Variants in SLC4A4 observed in about 807,000 individuals in gnomAD.
The protein encoded by SLC4A4 is solute carrier family 4 member 4.
A neutral mutation model predicts 111.5 loss-of-function variants in SLC4A4; 27 were observed. The ratio of observed to expected loss-of-function variants is 0.24; its 90% CI spans 0.18 to 0.33. The LOEUF is 0.33. Ranked by LOEUF, SLC4A4 falls within the 10% of genes least tolerant of loss-of-function variation. The pLI is 1.00. For synonymous variants in SLC4A4, 443 were observed against 463.4 expected, an observed-to-expected ratio of 0.96 and a Z score of 0.57; for missense variants, 909 against 1,315.5, an observed-to-expected ratio of 0.69 and a Z score of 4.78.
rs1404937471 is a variant in SLC4A4 at position 71,568,684 on chromosome 4, GT to G, written c.*937del. 2 of 151,976 alleles carry G rather than the reference GT, an allele frequency of 1.3e-5. No individual in the cohort carries two copies. Among genetic ancestry groups the G allele is most frequent in the South Asian group, 2.1e-4 (1 of 4,824 alleles). The allele number at this position is 151,976 out of a possible 1,614,324, so 9.4% of individuals were successfully genotyped here. On this transcript the variant is annotated 3_prime_UTR_variant, in exon 26 of 26. Coordinates refer to ENST00000264485, the MANE Select transcript of SLC4A4 (RefSeq NM_001098484.3). The stretch of plus-strand genomic sequence containing the variant: ...ATTTTTTCCTGCAGCAGGAAACATA[GT>G]TTTGAGTAGTTCTACCTCTTATTTG...
chr4:71,242,363 ATTG>A (rs1177652688), intron 2 of SLC4A4, among the ~76,000 whole-genome samples: 1 of 152,120 alleles, frequency 6.6e-6, no homozygotes, highest in Non-Finnish European at 1.5e-5. Flanking sequence ...GGGAGTCTCT[ATTG>A]TTTATTTTAT....
At chr4:71,258,836 C>A (rs999041111) in intron 3 of SLC4A4, among the ~76,000 whole-genome samples, 3 of 152,182 alleles carry the variant, frequency 2.0e-5, no homozygotes, top group Non-Finnish European at 4.4e-5. Flanking sequence ...GGGTAGGTAA[C>A]TCCCAAGTGT....
intron 16 of SLC4A4, among the ~76,000 whole-genome samples, chr4:71,528,855 A>T (rs921639): frequency 0.81 from 122,603 of 151,862 alleles, 49,915 homozygotes; most frequent in East Asian, 0.93. Context: ...CTGTATGTAC[A>T]CATATATATG....
intron 7 of SLC4A4, among the ~76,000 whole-genome samples, chr4:71,432,769 T>C (rs2149043881): frequency 6.6e-6 from 1 of 152,166 alleles, no homozygotes; most frequent in Non-Finnish European, 1.5e-5. Flanking sequence ...GTGATGGAGC[T>C]TAGGGATTAG....
rs1737650134 is a variant in SLC4A4 at position 71,567,953 on chromosome 4, GT to G, written c.*205del. On this transcript the variant is annotated 3_prime_UTR_variant, in exon 26 of 26. Transcript: ENST00000264485. The stretch of plus-strand genomic sequence containing the variant: ...TAATGTCATTTGTTTTTGTTTGGCT[GT>G]TTGTTTATTTTTTAACTTTTATTTC... The G allele has an allele frequency of 9.7e-7, 1 of 1,028,560 alleles. No homozygotes were observed. The highest frequency in any genetic ancestry group is 1.4e-6 in the Non-Finnish European group (1 of 695,542). The allele number at this position is 1,028,560 out of a possible 1,614,324, so 63.7% of individuals were successfully genotyped here.
intron 1 of SLC4A4, among the ~76,000 whole-genome samples, chr4:71,232,099 A>C (rs1038029630): frequency 2.6e-5 from 4 of 152,030 alleles, no homozygotes; most frequent in African/African-American, 9.7e-5. Flanking sequence ...CAGGTTTTAT[A>C]TTTTCCATTT....
At chr4:71,559,886 CT>C (rs1736809299) in intron 22 of SLC4A4, among the ~76,000 whole-genome samples, 1 of 151,806 alleles carries the variant, frequency 6.6e-6, no homozygotes, top group Non-Finnish European at 1.5e-5. Context: ...TGAGTTTCAA[CT>C]AAGACTTTTA....
At chr4:71,197,686 T>G (rs1746069832) in intron 1 of SLC4A4, among the ~76,000 whole-genome samples, 2 of 152,282 alleles carry the variant, frequency 1.3e-5, no homozygotes, top group African/African-American at 4.8e-5. Context: ...GTAACAAACC[T>G]GCATGTTGTG....
chr4:71,103,719 C>G (rs1374898855), intron 2 of SLC4A4, among the ~76,000 whole-genome samples: 1 of 151,922 alleles, frequency 6.6e-6, no homozygotes, highest in African/African-American at 2.4e-5. Flanking sequence ...TTCTTTGAAA[C>G]CAACGAGAAC....
In SLC4A4 at chr4:71,250,928, C is replaced by T. The variant is rs144892811; in HGVS notation, c.74-4292C>T. 3.1e-3 allele frequency among the ~76,000 whole-genome samples: 476 copies of T among 152,174 alleles called. 3 individuals carry two copies. Among genetic ancestry groups the T allele is most frequent in the South Asian group, 5.2e-3 (25 of 4,818 alleles). On this transcript the variant is annotated intron_variant, in intron 2 of 25. Coordinates refer to ENST00000264485, the MANE Select transcript of SLC4A4 (RefSeq NM_001098484.3). The stretch of plus-strand genomic sequence containing the variant: ...GCTTCCTCAAACTGTGGTTTTTGCA[C>T]CTGTACAATGGGGATAGGAGCAGGA...
chr4:71,384,670 A>C (rs902812312), intron 6 of SLC4A4, among the ~76,000 whole-genome samples: 2 of 150,770 alleles, frequency 1.3e-5, no homozygotes, highest in Non-Finnish European at 3.0e-5. Context: ...AAATTACCTC[A>C]TTTGTACACC....
intron 2 of SLC4A4, among the ~76,000 whole-genome samples, chr4:71,101,958 C>T (rs1432419684): frequency 4.6e-5 from 7 of 151,320 alleles, no homozygotes; most frequent in African/African-American, 9.7e-5. Flanking sequence ...AGGCTTCAGA[C>T]GATCAAATTA....
At chr4:71,198,273 T>A (rs2149000673) in intron 1 of SLC4A4, among the ~76,000 whole-genome samples, 1 of 152,376 alleles carries the variant, frequency 6.6e-6, no homozygotes, top group African/African-American at 2.4e-5. Context: ...TGCATAATAT[T>A]TCCAGTGAAA....
intron 7 of SLC4A4, among the ~76,000 whole-genome samples, chr4:71,415,833 G>A (rs1243695334): frequency 6.6e-6 from 1 of 151,996 alleles, no homozygotes; most frequent in East Asian, 1.9e-4. Flanking sequence ...TTGATTCAGG[G>A]CCCCATAGTG....
At chr4:71,090,051 G>A (rs1002335035) in intron 1 of SLC4A4, among the ~76,000 whole-genome samples, 2 of 151,890 alleles carry the variant, frequency 1.3e-5, no homozygotes, top group African/African-American at 2.4e-5. Context: ...CACCCAGTTC[G>A]AGCTTCCTCG....
intron 1 of SLC4A4, among the ~76,000 whole-genome samples, chr4:71,204,923 ATAAGATGGC>A (rs1018834071): frequency 5.3e-5 from 8 of 152,218 alleles, no homozygotes; most frequent in Non-Finnish European, 1.5e-5. Flanking sequence ...TAAATATGGA[ATAAGATGGC>A]TAACACTGGG....
chr4:71,413,851 G>T (rs913373429), intron 7 of SLC4A4, among the ~76,000 whole-genome samples: 2 of 152,112 alleles, frequency 1.3e-5, no homozygotes, highest in Non-Finnish European at 1.5e-5. Flanking sequence ...ATCTGGAGAA[G>T]GGTGGTTGTT....
upstream of SLC4A4, among the ~76,000 whole-genome samples, chr4:71,184,321 C>G (rs931500655): frequency 4.6e-5 from 7 of 152,202 alleles, no homozygotes; most frequent in African/African-American, 1.4e-4. Flanking sequence ...AATGCCTGGA[C>G]TACCTATTCG....
chr4:71,212,774 G>T (rs1718207470), intron 1 of SLC4A4, among the ~76,000 whole-genome samples: 2 of 152,188 alleles, frequency 1.3e-5, no homozygotes, highest in South Asian at 4.1e-4. Flanking sequence ...AGGTACTAGG[G>T]AGCTGAGCAG....
Sources: gnomAD v4.1 joint callset for allele counts (sites outside exome capture counted in the v4.1 genomes callset) on GRCh38, gnomAD v4.1.1 for gene constraint, MANE v1.5 for transcripts, NCBI Gene and HGNC (gene_info 2026-07-23, HGNC 2026-07-21) for gene names.